Variants in CPQ observed in about 807,000 individuals in gnomAD.
The protein encoded by CPQ is Ser-Met dipeptidase.
In CPQ, 37 loss-of-function variants were observed where a neutral mutation model predicts 45.7. The observed-to-expected ratio is 0.81, with a 90% CI of 0.62 to 1.07. CPQ has a LOEUF of 1.07. Ranked by LOEUF, CPQ falls within the 50% of genes least tolerant of loss-of-function variation. The probability of loss-of-function intolerance (pLI) is 0.00; values close to 1 mark genes in which losing one functional copy is unlikely to be tolerated. For missense variants in CPQ, 537 were observed against 572.9 expected, an observed-to-expected ratio of 0.94 and a Z score of 0.64; for synonymous variants, 186 against 205.8, an observed-to-expected ratio of 0.90 and a Z score of 0.82.
In CPQ at chr8:96,667,680, G is replaced by A. The variant is rs529412034; in HGVS notation, c.-35+22278G>A. Among the ~76,000 whole-genome samples, 11 of 151,958 alleles carry A rather than the reference G, an allele frequency of 7.2e-5. No individual in the cohort carries two copies. In the South Asian group the frequency reaches 1.7e-3, roughly 23 times the overall value. ...CCTTTTCTAAATGAACCTCTCCGTC[G>A]CCACACTTAGGCCAAGTTTGTTTCT... On this transcript the variant is annotated intron_variant, in intron 1 of 7. Transcript: ENST00000220763.
chr8:96,814,005 T>TAC (rs201789387), intron 2 of CPQ, among the ~76,000 whole-genome samples: 1 of 151,456 alleles, frequency 6.6e-6, no homozygotes, highest in African/African-American at 2.4e-5. Flanking sequence ...TATACACACA[T>TAC]ATATATACAC....
intron 5 of CPQ, among the ~76,000 whole-genome samples, chr8:96,993,793 A>G (rs1809134066): frequency 6.6e-6 from 1 of 152,172 alleles, no homozygotes; most frequent in Non-Finnish European, 1.5e-5. Context: ...ATAATTATGT[A>G]TTATTTCATA....
chr8:96,963,108 C>G (rs968423725), intron 4 of CPQ, among the ~76,000 whole-genome samples: 1 of 152,128 alleles, frequency 6.6e-6, no homozygotes, highest in Admixed American at 6.5e-5. Flanking sequence ...GAAGTATGAT[C>G]GTAAACAACT....
At chr8:96,800,179 A>C (rs1258847378) in intron 2 of CPQ, among the ~76,000 whole-genome samples, 5 of 152,212 alleles carry the variant, frequency 3.3e-5, no homozygotes, top group Non-Finnish European at 7.3e-5. Flanking sequence ...AGTAGTCCTA[A>C]TAGAAAAATG....
chr8:97,039,662 T>C (rs1410064475), intron 6 of CPQ, among the ~76,000 whole-genome samples: 1 of 142,482 alleles, frequency 7.0e-6, no homozygotes, highest in African/African-American at 2.6e-5. Context: ...GTCCCCAGAG[T>C]GTGATGTTCC....
At chr8:96,707,485 A>T (rs1809547597) in intron 1 of CPQ, among the ~76,000 whole-genome samples, 1 of 151,898 alleles carries the variant, frequency 6.6e-6, no homozygotes, top group African/African-American at 2.4e-5. Context: ...TTCCTAACTC[A>T]TCAGCTATCC....
chr8:96,789,150 A>G (rs1049986893), intron 2 of CPQ, among the ~76,000 whole-genome samples: 14 of 152,036 alleles, frequency 9.2e-5, no homozygotes, highest in African/African-American at 3.4e-4. Context: ...CCTAAAAGAC[A>G]GTTTCTACTG....
intron 7 of CPQ, among the ~76,000 whole-genome samples, chr8:97,091,940 C>T (rs908854013): frequency 1.3e-5 from 2 of 152,098 alleles, no homozygotes; most frequent in African/African-American, 4.8e-5. Flanking sequence ...TCATTCTTAT[C>T]ACCCCAGGGA....
chr8:97,067,660 A>T (rs1347232033), intron 7 of CPQ, among the ~76,000 whole-genome samples: 1 of 152,224 alleles, frequency 6.6e-6, no homozygotes, highest in Non-Finnish European at 1.5e-5. Context: ...ATAATCTTTC[A>T]TAACTAAAAA....
At chr8:96,881,034 C>G (rs2130882213) in intron 4 of CPQ, among the ~76,000 whole-genome samples, 1 of 152,136 alleles carries the variant, frequency 6.6e-6, no homozygotes, top group East Asian at 1.9e-4. Flanking sequence ...TGGTATTTGT[C>G]CACGTGTTGT....
intron 6 of CPQ, among the ~76,000 whole-genome samples, chr8:97,050,800 T>G (rs1476401079): frequency 6.6e-6 from 1 of 152,166 alleles, no homozygotes; most frequent in Non-Finnish European, 1.5e-5. Flanking sequence ...TAGAATCCCT[T>G]TTCACTCTCA....
intron 4 of CPQ, among the ~76,000 whole-genome samples, chr8:96,902,740 G>A (rs1384615022): frequency 6.6e-6 from 1 of 152,152 alleles, no homozygotes; most frequent in Non-Finnish European, 1.5e-5. Context: ...AAGCCATGGG[G>A]CACGCAATGT....
intron 1 of CPQ, among the ~76,000 whole-genome samples, chr8:96,686,860 A>G (rs1809235430): frequency 6.6e-6 from 1 of 152,152 alleles, no homozygotes; most frequent in South Asian, 2.1e-4. Context: ...TCCTCCTTTT[A>G]AAACAGATAG....
intron 1 of CPQ, among the ~76,000 whole-genome samples, chr8:96,770,610 A>G (rs183987852): frequency 1.3e-5 from 2 of 151,686 alleles, no homozygotes; most frequent in South Asian, 2.1e-4. Context: ...TGCCCTTTTT[A>G]CATATCCTGC....
At chr8:96,707,019 T>A (rs1809538801) in intron 1 of CPQ, among the ~76,000 whole-genome samples, 1 of 152,166 alleles carries the variant, frequency 6.6e-6, no homozygotes, top group Admixed American at 6.6e-5. Context: ...AGAATTTATT[T>A]GATTTAGTTA....
chr8:96,910,466 C>G (rs1227249765), intron 4 of CPQ, among the ~76,000 whole-genome samples: 3 of 152,042 alleles, frequency 2.0e-5, no homozygotes, highest in Admixed American at 2.0e-4. Flanking sequence ...ATGTATATTC[C>G]CATTTAACAT....
chr8:97,023,656 A>G (rs1278004445), intron 5 of CPQ, among the ~76,000 whole-genome samples: 1 of 152,162 alleles, frequency 6.6e-6, no homozygotes, highest in African/African-American at 2.4e-5. Flanking sequence ...TTGCCTTTGA[A>G]TTATGGAAAT....
intron 4 of CPQ, among the ~76,000 whole-genome samples, chr8:96,963,785 A>G (rs1813503671): frequency 6.6e-6 from 1 of 152,282 alleles, no homozygotes; most frequent in African/African-American, 2.4e-5. Flanking sequence ...AGATCAGAAA[A>G]CAGAACATGA....
chr8:97,025,662 T>C (rs1809787976), intron 5 of CPQ, among the ~76,000 whole-genome samples: 1 of 152,200 alleles, frequency 6.6e-6, no homozygotes, highest in South Asian at 2.1e-4. Context: ...TTACCCCAAA[T>C]CTGCCACAGA....
Sources: gnomAD v4.1 joint callset for allele counts (sites outside exome capture counted in the v4.1 genomes callset) on GRCh38, gnomAD v4.1.1 for gene constraint, MANE v1.5 for transcripts, NCBI Gene and HGNC (gene_info 2026-07-23, HGNC 2026-07-21) for gene names.